SECTM1: variants seen among roughly 807,000 people sequenced by gnomAD.
SECTM1 encodes secreted and transmembrane 1.
A neutral mutation model predicts 18.1 loss-of-function variants in SECTM1; 10 were observed. The ratio of observed to expected loss-of-function variants is 0.55; its 90% CI spans 0.34 to 0.94. SECTM1 has a LOEUF of 0.94. Ranked by LOEUF, SECTM1 falls within the 40% of genes least tolerant of loss-of-function variation. The probability of loss-of-function intolerance (pLI) is 0.02; values close to 1 mark genes in which losing one functional copy is unlikely to be tolerated. For missense variants in SECTM1, 297 were observed against 322.6 expected (o/e 0.92, Z 0.61); for synonymous variants, 137 against 139.2 (o/e 0.98, Z 0.11).
At chr17:82,333,433 G>C (rs1236069970) in intron 1 of SECTM1, among the ~76,000 whole-genome samples, 1 of 152,098 alleles carries the variant, frequency 6.6e-6, no homozygotes, top group Non-Finnish European at 1.5e-5. Flanking sequence ...CGCCCGCTGC[G>C]ACCCCGCCCG....
At chr17:82,331,263 G>C (rs560922126) in intron 1 of SECTM1, among the ~76,000 whole-genome samples, 1 of 152,280 alleles carries the variant, frequency 6.6e-6, no homozygotes, top group East Asian at 1.9e-4. Flanking sequence ...GGGCTCAGGG[G>C]GTAGGGAGCT....
chr17:82,326,105 C>T lies in SECTM1; in HGVS notation c.94+1042G>A, dbSNP rs138589608. On this transcript the variant is annotated intron_variant, in intron 2 of 4. Coordinates refer to ENST00000269389, the MANE Select transcript of SECTM1 (RefSeq NM_003004.3). This position sits in a 1 kb window ranked among gnomAD's most constrained non-coding sequence, Gnocchi z 4.3. ...CAAATTCACACCGTCCCGAGGGCAG[C>T]GGGCGGCTGTCCAGGGGGTGCCCCA... 1.3e-3 allele frequency among the ~76,000 whole-genome samples: 200 copies of T among 152,328 alleles called. 1 individual carries two copies. Among genetic ancestry groups the T allele is most frequent in the African/African-American group, 4.4e-3 (184 of 41,584 alleles).
chr17:82,332,670 G>A (rs2147272388), intron 1 of SECTM1, among the ~76,000 whole-genome samples: 2 of 152,300 alleles, frequency 1.3e-5, no homozygotes, highest in Middle Eastern at 6.8e-3. Flanking sequence ...GCTCTGCCCT[G>A]GTCTCTGCTG....
rs1372470862 is a variant in SECTM1, at chr17:82,322,088, G to C, written c.*73C>G. 8 of 1,485,240 alleles carry C rather than the reference G, an allele frequency of 5.4e-6. No homozygotes were observed. The highest frequency in any genetic ancestry group is 7.5e-6 in the Non-Finnish European group (8 of 1,069,866). The allele number at this position is 1,485,240 out of a possible 1,614,324, so 92.0% of individuals were successfully genotyped here. On this transcript the variant is annotated 3_prime_UTR_variant, in exon 5 of 5. Coordinates refer to ENST00000269389, the MANE Select transcript of SECTM1 (RefSeq NM_003004.3). ...TGTCTGTGCCCTCCGGGTGGGACGA[G>C]AGACCCAGGCCCCGCCACCCAAGGT... is the stretch of plus-strand genomic sequence containing the variant.
chr17:82,323,719 G>T (rs750918882), intron 3 of SECTM1, among the ~76,000 whole-genome samples: 1 of 152,072 alleles, frequency 6.6e-6, no homozygotes, highest in Non-Finnish European at 1.5e-5. Context: ...ATAAGTAGCT[G>T]GTGGTGACGG....
chr17:82,327,406 G>A (rs1226029912), intron 1 of SECTM1, 114 bp from the exon 2 acceptor site: 10 of 626,086 alleles, frequency 1.6e-5, no homozygotes, highest in South Asian at 1.1e-4. Context: ...GCTCTTCCCC[G>A]ACCTGCTCTG....
chr17:82,330,369 G>T lies in SECTM1; in HGVS notation c.-52-3077C>A, dbSNP rs1418385676. ...GGGACTGCCCCTGCCATGTGTTAGG[G>T]GTGGGAATTCTGGGCACACAGCCAA... On this transcript the variant is annotated intron_variant, in intron 1 of 4. Coordinates refer to ENST00000269389, the MANE Select transcript of SECTM1 (RefSeq NM_003004.3). The surrounding 1 kb of genome is among the most constrained non-coding windows in gnomAD (Gnocchi z 6.1). Among the ~76,000 whole-genome samples the T allele has an allele frequency of 6.6e-6, 1 of 152,112 alleles. No homozygotes were observed. The highest frequency in any genetic ancestry group is 1.5e-5 in the Non-Finnish European group (1 of 67,984).
chr17:82,322,850 G>A (rs768026083), intron 4 of SECTM1, 28 bp downstream of exon 4: 47 of 1,607,592 alleles, frequency 2.9e-5, no homozygotes, highest in Non-Finnish European at 3.6e-5. Flanking sequence ...TCCCCACCCC[G>A]CACAAACTGG....
intron 3 of SECTM1, 42 bp downstream of exon 3, chr17:82,324,540 C>G: frequency 7.0e-7 from 1 of 1,420,384 alleles, no homozygotes; most frequent in South Asian, 1.4e-5. Flanking sequence ...CCCGTGTCCC[C>G]TCTCACTCCC....
At chr17:82,324,541 T>TCCCCCCC in intron 3 of SECTM1, 41 bp downstream of exon 3, 1 of 163,036 alleles carries the variant, frequency 6.1e-6, no homozygotes, top group Non-Finnish European at 9.7e-6. Flanking sequence ...CCGTGTCCCC[T>TCCCCCCC]CTCACTCCCC....
At position 82,326,464 on chromosome 17, in the gene SECTM1, G is replaced by A. The variant is rs878952018; in HGVS notation, c.94+683C>T. Among the ~76,000 whole-genome samples, 1 of 151,856 alleles carries A rather than the reference G, an allele frequency of 6.6e-6. No homozygotes were observed. ...AAAATACACAATTTAGCCAGGTATG[G>A]TGTGCATGCCTGTAGTCCCAGCTAC... On this transcript the variant is annotated intron_variant, in intron 2 of 4. Coordinates refer to ENST00000269389, the MANE Select transcript of SECTM1 (RefSeq NM_003004.3). This position sits in a 1 kb window ranked among gnomAD's most constrained non-coding sequence, Gnocchi z 4.3.
intron 2 of SECTM1, 26 bp from the exon 3 acceptor site, chr17:82,324,916 C>A (rs761797825): frequency 1.6e-5 from 26 of 1,590,322 alleles, no homozygotes; most frequent in Admixed American, 8.6e-5. Flanking sequence ...GAGGCACACA[C>A]GGATCAGGGC....
Position 82,330,822 on chromosome 17 carries a change from G to A in SECTM1, c.-53+2878C>T, listed in dbSNP as rs1323459137. Among the ~76,000 whole-genome samples the A allele has an allele frequency of 6.6e-6, 1 of 152,140 alleles. No homozygotes were observed. Among genetic ancestry groups the A allele is most frequent in the African/African-American group, 2.4e-5 (1 of 41,410 alleles). ...CTGGGCTGCAGTGGTTGGGGAGAGG[G>A]GGGTGGGAGTGAGAAGCTGGCACTG... On this transcript the variant is annotated intron_variant, in intron 1 of 4. Coordinates refer to ENST00000269389, the MANE Select transcript of SECTM1 (RefSeq NM_003004.3). This position sits in a 1 kb window ranked among gnomAD's most constrained non-coding sequence, Gnocchi z 6.1.
intron 1 of SECTM1, among the ~76,000 whole-genome samples, chr17:82,327,639 C>T (rs1331501033): frequency 2.0e-5 from 3 of 152,180 alleles, no homozygotes; most frequent in African/African-American, 4.8e-5. Flanking sequence ...CAGGTGGAAT[C>T]GTTGGTAGCC....
Position 82,326,394 on chromosome 17 carries a change from G to T in SECTM1, c.94+753C>A, listed in dbSNP as rs1369637219. Among the ~76,000 whole-genome samples the T allele has an allele frequency of 1.3e-5, 2 of 152,102 alleles. No individual in the cohort carries two copies. Among genetic ancestry groups the T allele is most frequent in the Non-Finnish European group, 2.9e-5 (2 of 68,018 alleles). On this transcript the variant is annotated intron_variant, in intron 2 of 4. Transcript: ENST00000269389. This position sits in a 1 kb window ranked among gnomAD's most constrained non-coding sequence, Gnocchi z 4.3. ...GTGGGAGGATCACTTGAGCCCAGGA[G>T]TTTGAGACCAGCCTGAGCAACATGG...
Position 82,325,493 on chromosome 17 carries a change from T to C in SECTM1, c.95-603A>G, listed in dbSNP as rs111299683. Among the ~76,000 whole-genome samples the C allele has an allele frequency of 0.061, 9,266 of 152,082 alleles. 382 individuals are homozygous for C. Among genetic ancestry groups the C allele is most frequent in the African/African-American group, 0.11 (4,473 of 41,460 alleles). ...AGCCTGCTTGTGCCACCCCCAACAT[T>C]CCCTTTCCCCTCCCGGCCACCCGCT... On this transcript the variant is annotated intron_variant, in intron 2 of 4. Coordinates refer to ENST00000269389, the MANE Select transcript of SECTM1 (RefSeq NM_003004.3). The surrounding 1 kb of genome is among the most constrained non-coding windows in gnomAD (Gnocchi z 7.6).
chr17:82,323,248 A>T, intron 3 of SECTM1: 1 of 544,560 alleles, frequency 1.8e-6, no homozygotes, highest in Non-Finnish European at 3.3e-6. Flanking sequence ...CAGCGAGGGA[A>T]ACATCTACCC....
Position 82,325,090 on chromosome 17 carries a change from C to CTG in SECTM1, c.95-202_95-201dup, listed in dbSNP as rs574005214. ...ATAGCAACAAAAAAGACGGGTGGCT[C>CTG]TGTGTGTGTGTATGTGTGTGTGTGT... On this transcript the variant is annotated intron_variant, in intron 2 of 4. Coordinates refer to ENST00000269389, the MANE Select transcript of SECTM1 (RefSeq NM_003004.3). The surrounding 1 kb of genome is among the most constrained non-coding windows in gnomAD (Gnocchi z 7.6). Among the ~76,000 whole-genome samples the CTG allele has an allele frequency of 1.5e-4, 23 of 152,234 alleles. 1 individual carries two copies. In the East Asian group the frequency reaches 2.7e-3, roughly 18 times the overall value.
chr17:82,326,492 G>T lies in SECTM1; in HGVS notation c.94+655C>A, dbSNP rs1490945941. ...TGCATGCCTGTAGTCCCAGCTACTC[G>T]GGAGGCTGAGGTGGGAGGATCACCT... On this transcript the variant is annotated intron_variant, in intron 2 of 4. Coordinates refer to ENST00000269389, the MANE Select transcript of SECTM1 (RefSeq NM_003004.3). The surrounding 1 kb of genome is among the most constrained non-coding windows in gnomAD (Gnocchi z 4.3). 6.6e-6 allele frequency among the ~76,000 whole-genome samples: 1 copy of T among 152,104 alleles called. No homozygotes were observed. Among genetic ancestry groups the T allele is most frequent in the African/African-American group, 2.4e-5 (1 of 41,426 alleles).
Sources: gnomAD v4.1 joint callset for allele counts (sites outside exome capture counted in the v4.1 genomes callset) on GRCh38, gnomAD v4.1.1 for gene constraint, Gnocchi (gnomAD v3.1) non-coding constraint, MANE v1.5 for transcripts, NCBI Gene and HGNC (gene_info 2026-07-23, HGNC 2026-07-21) for gene names.